Variants in SRBD1 observed in about 807,000 individuals in gnomAD.
SRBD1 encodes S1 RNA binding domain 1.
SRBD1 carries 88 observed loss-of-function variants against 115.3 expected under a neutral mutation model. The ratio of observed to expected loss-of-function variants is 0.76; its 90% CI spans 0.64 to 0.91. The LOEUF (loss-of-function observed/expected upper bound fraction) is 0.91. Ranked by LOEUF, SRBD1 falls within the 40% of genes least tolerant of loss-of-function variation. The probability of loss-of-function intolerance (pLI) is 0.00; values close to 1 mark genes in which losing one functional copy is unlikely to be tolerated. For synonymous variants in SRBD1, 509 were observed against 407.7 expected (o/e 1.25, Z -2.99); for missense variants, 1,385 against 1,177.4 (o/e 1.18, Z -2.58).
In SRBD1 at chr2:45,545,315, A is replaced by AAAAAAAAAAAAAAAAAC. The variant is rs1209226372; in HGVS notation, c.1874+1416_1874+1417insGTTTTTTTTTTTTTTTT. On this transcript the variant is annotated intron_variant, in intron 14 of 20. Coordinates refer to ENST00000263736, the MANE Select transcript of SRBD1 (RefSeq NM_018079.5). ...AAAAAAAAAAAAAAAAAAAAAAAAA[A>AAAAAAAAAAAAAAAAAC]CAGATGAACCCAGATTTGTCTGACC... Among the ~76,000 whole-genome samples, 14 of 123,612 alleles carry AAAAAAAAAAAAAAAAAC rather than the reference A, an allele frequency of 1.1e-4. 1 individual carries two copies. Among genetic ancestry groups the AAAAAAAAAAAAAAAAAC allele is most frequent in the South Asian group, 5.6e-4 (2 of 3,598 alleles). 81.1% of individuals were successfully genotyped at this position (123,612 alleles called of 152,430 possible). A position where few individuals can be genotyped will look rare whatever the true frequency, so the allele number is the denominator to read the frequency against.
At chr2:45,508,418 T>G (rs1458916012) in intron 14 of SRBD1, among the ~76,000 whole-genome samples, 1 of 152,202 alleles carries the variant, frequency 6.6e-6, no homozygotes, top group African/African-American at 2.4e-5. Context: ...TCCCCTAAGT[T>G]TATTTTAAGC....
At chr2:45,587,513 GC>G (rs1479028007) in intron 4 of SRBD1, among the ~76,000 whole-genome samples, 2 of 152,064 alleles carry the variant, frequency 1.3e-5, no homozygotes, top group African/African-American at 4.8e-5. Flanking sequence ...AACCCTGAAT[GC>G]CCAAGATCTG....
At chr2:45,489,753 G>A (rs904229178) in intron 14 of SRBD1, among the ~76,000 whole-genome samples, 3 of 152,120 alleles carry the variant, frequency 2.0e-5, no homozygotes, top group Admixed American at 1.3e-4. Context: ...AAGGAACTGA[G>A]TTAGATTTGG....
intron 8 of SRBD1, among the ~76,000 whole-genome samples, 163 bp downstream of exon 8, chr2:45,574,464 C>A (rs1673115583): frequency 6.6e-6 from 1 of 152,072 alleles, no homozygotes; most frequent in Non-Finnish European, 1.5e-5. Flanking sequence ...TTACTTTTAT[C>A]TGTTTTATAT....
intron 19 of SRBD1, among the ~76,000 whole-genome samples, chr2:45,405,342 T>C (rs1667401975): frequency 6.6e-6 from 1 of 152,134 alleles, no homozygotes. Flanking sequence ...CTTGTTTTTG[T>C]GTGGGGCTAG....
intron 13 of SRBD1, 25 bp downstream of exon 13, chr2:45,547,497 T>G (rs1222131445): frequency 6.2e-7 from 1 of 1,602,640 alleles, no homozygotes; most frequent in East Asian, 2.2e-5. Flanking sequence ...CACTGATATA[T>G]TCAAAAGATT....
chr2:45,571,684 A>G, intron 9 of SRBD1, among the ~76,000 whole-genome samples: 1 of 152,072 alleles, frequency 6.6e-6, no homozygotes, highest in East Asian at 1.9e-4. Context: ...ATAGAAAAGT[A>G]AGAGTTAGAA....
At chr2:45,540,609 T>G (rs2104010682) in intron 14 of SRBD1, among the ~76,000 whole-genome samples, 1 of 152,300 alleles carries the variant, frequency 6.6e-6, no homozygotes. Flanking sequence ...GAAAAAATGT[T>G]TATGAAACAT....
intron 16 of SRBD1, among the ~76,000 whole-genome samples, chr2:45,448,574 G>C (rs981811345): frequency 6.6e-6 from 1 of 152,134 alleles, no homozygotes; most frequent in Non-Finnish European, 1.5e-5. Flanking sequence ...TCAAGGCTTA[G>C]GGTAAACTGG....
chr2:45,487,138 T>G (rs1670146063), intron 15 of SRBD1, among the ~76,000 whole-genome samples: 1 of 152,154 alleles, frequency 6.6e-6, no homozygotes, highest in South Asian at 2.1e-4. Flanking sequence ...GCTTTTAGCT[T>G]TAGATTACTG....
intron 15 of SRBD1, among the ~76,000 whole-genome samples, chr2:45,477,510 C>A (rs1002110051): frequency 2.0e-5 from 3 of 152,070 alleles, no homozygotes; most frequent in African/African-American, 7.2e-5. Flanking sequence ...AGAACTCGAT[C>A]CCCCAAATAA....
At chr2:45,424,275 T>C (rs1668089226) in intron 16 of SRBD1, among the ~76,000 whole-genome samples, 1 of 152,162 alleles carries the variant, frequency 6.6e-6, no homozygotes, top group African/African-American at 2.4e-5. Context: ...CCTCAAATCC[T>C]GGTATTGATA....
intron 10 of SRBD1, among the ~76,000 whole-genome samples, chr2:45,558,064 A>C (rs1440782494): frequency 3.3e-5 from 5 of 152,162 alleles, no homozygotes; most frequent in African/African-American, 1.2e-4. Context: ...CATTTAAAGT[A>C]GAGACAGTTT....
At chr2:45,576,386 T>C (rs1327168854) in intron 7 of SRBD1, among the ~76,000 whole-genome samples, 3 of 150,296 alleles carry the variant, frequency 2.0e-5, no homozygotes, top group Non-Finnish European at 4.4e-5. Context: ...TAAGTTTTTA[T>C]AAAGTCAAAA....
chr2:45,419,920 A>G lies in SRBD1; in HGVS notation c.2050-26T>C, dbSNP rs761500306. 3.8e-6 allele frequency: 6 copies of G among 1,587,828 alleles called. No homozygotes were observed. In the East Asian group the frequency reaches 6.7e-5, roughly 18 times the overall value. ...CTGAAAAGACAAAGATCAAATATTA[A>G]CAGTGAAGGAGATGTAGTTCTTGGA... is the stretch of plus-strand genomic sequence containing the variant. On this transcript the variant is annotated intron_variant, in intron 16 of 20. Coordinates refer to ENST00000263736, the MANE Select transcript of SRBD1 (RefSeq NM_018079.5).
intron 14 of SRBD1, 85 bp from the exon 15 acceptor site, chr2:45,488,416 A>AT: frequency 8.9e-7 from 1 of 1,124,770 alleles, no homozygotes. Context: ...AGGCATTACC[A>AT]GAAAAAAAAA....
chr2:45,575,090 T>G (rs1252636859), intron 7 of SRBD1, among the ~76,000 whole-genome samples: 1 of 152,182 alleles, frequency 6.6e-6, no homozygotes, highest in Non-Finnish European at 1.5e-5. Context: ...CTTTATGAAG[T>G]GATTACAAAT....
intron 16 of SRBD1, among the ~76,000 whole-genome samples, chr2:45,472,164 G>T (rs540390001): frequency 2.6e-5 from 4 of 152,014 alleles, no homozygotes; most frequent in Non-Finnish European, 5.9e-5. Context: ...CCATAAAGAA[G>T]AATGAAGTAC....
chr2:45,534,968 A>G (rs1671723293), intron 14 of SRBD1, among the ~76,000 whole-genome samples: 1 of 151,924 alleles, frequency 6.6e-6, no homozygotes, highest in South Asian at 2.1e-4. Flanking sequence ...TCTCTACCAA[A>G]AATTCCCCCT....
Sources: gnomAD v4.1 joint callset for allele counts (sites outside exome capture counted in the v4.1 genomes callset) on GRCh38, gnomAD v4.1.1 for gene constraint, MANE v1.5 for transcripts, NCBI Gene and HGNC (gene_info 2026-07-23, HGNC 2026-07-21) for gene names.